OPN5: variants seen among roughly 807,000 people sequenced by gnomAD.
OPN5 encodes opsin-5.
Under a neutral mutation model 41.7 loss-of-function variants are expected in OPN5, and 18 were observed. The ratio of observed to expected loss-of-function variants is 0.43; its 90% CI spans 0.30 to 0.64. The LOEUF (loss-of-function observed/expected upper bound fraction) is 0.64. Ranked by LOEUF, OPN5 falls within the 30% of genes least tolerant of loss-of-function variation. OPN5 has a pLI of 0.13. For missense variants in OPN5, 318 were observed against 434.5 expected (o/e 0.73, Z 2.38); for synonymous variants, 178 against 164.3 (o/e 1.08, Z -0.64).
intron 4 of OPN5, among the ~76,000 whole-genome samples, chr6:47,804,878 G>C (rs1018147615): frequency 6.6e-6 from 1 of 152,130 alleles, no homozygotes; most frequent in Non-Finnish European, 1.5e-5. Context: ...AGTCTTTCCT[G>C]TTCCCCAATT....
At chr6:47,816,854 A>T (rs1330244822) in intron 6 of OPN5, among the ~76,000 whole-genome samples, 1 of 152,108 alleles carries the variant, frequency 6.6e-6, no homozygotes, top group East Asian at 1.9e-4. Context: ...TTAAAAGGAA[A>T]CTATTGTTAT....
chr6:47,812,858 T>C (rs1762295391), intron 6 of OPN5, among the ~76,000 whole-genome samples: 1 of 152,104 alleles, frequency 6.6e-6, no homozygotes, highest in Non-Finnish European at 1.5e-5. Flanking sequence ...GTGGCCCCTC[T>C]CACACCATTG....
At chr6:47,786,900 C>T (rs977943510) in intron 2 of OPN5, among the ~76,000 whole-genome samples, 1 of 152,156 alleles carries the variant, frequency 6.6e-6, no homozygotes, top group African/African-American at 2.4e-5. Context: ...TATGTGATAC[C>T]TCAGATGTCT....
At chr6:47,783,382 C>T (rs1295589289) in intron 1 of OPN5, among the ~76,000 whole-genome samples, 2 of 152,058 alleles carry the variant, frequency 1.3e-5, no homozygotes, top group African/African-American at 4.8e-5. Flanking sequence ...CTCTTCCACC[C>T]TTCTTCCCTT....
intron 2 of OPN5, among the ~76,000 whole-genome samples, chr6:47,787,981 C>A (rs537784692): frequency 1.4e-3 from 217 of 152,296 alleles, no homozygotes; most frequent in Non-Finnish European, 2.7e-3. Context: ...CAATAATAAT[C>A]CTCCGCATTC....
chr6:47,789,532 GA>G (rs913198693), intron 2 of OPN5, among the ~76,000 whole-genome samples: 2 of 151,498 alleles, frequency 1.3e-5, no homozygotes, highest in Non-Finnish European at 1.5e-5. Flanking sequence ...TTGTTGAATG[GA>G]AAAAAACCCC....
At chr6:47,813,733 TA>T (rs1476886622) in intron 6 of OPN5, among the ~76,000 whole-genome samples, 1 of 152,054 alleles carries the variant, frequency 6.6e-6, no homozygotes, top group African/African-American at 2.4e-5. Flanking sequence ...GGACCTGAAT[TA>T]AAAAATGGCA....
intron 2 of OPN5, among the ~76,000 whole-genome samples, chr6:47,790,554 T>C (rs1045479558): frequency 1.3e-5 from 2 of 152,216 alleles, no homozygotes; most frequent in African/African-American, 4.8e-5. Flanking sequence ...CTCAACTTTC[T>C]GGGGTTTCTT....
exon 4 of OPN5, chr6:47,795,337 A>C: frequency 6.2e-7 from 1 of 1,614,086 alleles, no homozygotes; most frequent in Non-Finnish European, 8.5e-7. Context: ...TACGTACCTG[A>C]GCCCTTCGGA....
intron 1 of OPN5, among the ~76,000 whole-genome samples, chr6:47,783,067 A>C (rs141979498): frequency 0.015 from 2,306 of 152,134 alleles, 55 homozygotes; most frequent in Non-Finnish European, 0.023. Flanking sequence ...TTAAATTTTT[A>C]CTTTGTAAAT....
chr6:47,797,614 C>T (rs1229104203), intron 4 of OPN5, among the ~76,000 whole-genome samples: 7 of 152,188 alleles, frequency 4.6e-5, no homozygotes, highest in East Asian at 1.9e-4. Context: ...AAATGATGTG[C>T]AGACATTCAT....
intron 5 of OPN5, among the ~76,000 whole-genome samples, chr6:47,809,123 G>A (rs761261983): frequency 1.3e-5 from 2 of 152,152 alleles, no homozygotes; most frequent in Non-Finnish European, 2.9e-5. Context: ...CTCAGGGTGA[G>A]TAAAGACTTG....
exon 6 of OPN5, chr6:47,811,684 G>A (rs373745956): frequency 5.0e-5 from 81 of 1,611,546 alleles, no homozygotes; most frequent in Non-Finnish European, 6.4e-5. Context: ...GCTGCACACC[G>A]TAACCACAGT....
chr6:47,790,797 T>C (rs1377910538), intron 2 of OPN5, among the ~76,000 whole-genome samples: 1 of 152,146 alleles, frequency 6.6e-6, no homozygotes, highest in East Asian at 1.9e-4. Context: ...GTTCACTGCT[T>C]CTCTAATTAA....
intron 5 of OPN5, among the ~76,000 whole-genome samples, chr6:47,810,772 A>C (rs1467806622): frequency 5.9e-5 from 9 of 152,206 alleles, no homozygotes. Context: ...AAATGTGGCC[A>C]AGAGCTCTTT....
At chr6:47,798,124 A>T (rs9473182) in intron 4 of OPN5, among the ~76,000 whole-genome samples, 22,369 of 152,062 alleles carry the variant, frequency 0.15, 1,769 homozygotes, top group Middle Eastern at 0.17. Context: ...TAATTTATAT[A>T]CTAAATGATA....
chr6:47,797,547 C>T (rs1165178133), intron 4 of OPN5, among the ~76,000 whole-genome samples: 1 of 152,122 alleles, frequency 6.6e-6, no homozygotes, highest in Non-Finnish European at 1.5e-5. Flanking sequence ...AGAAACTGGG[C>T]AAATGTACCA....
At chr6:47,785,853 G>A (rs1383295363) in intron 1 of OPN5, among the ~76,000 whole-genome samples, 1 of 152,214 alleles carries the variant, frequency 6.6e-6, no homozygotes, top group Non-Finnish European at 1.5e-5. Flanking sequence ...CTTGGTGGGA[G>A]GGACAGTGCC....
At chr6:47,806,166 GAACA>G (rs948039172) in intron 4 of OPN5, among the ~76,000 whole-genome samples, 6 of 151,764 alleles carry the variant, frequency 4.0e-5, no homozygotes, top group Non-Finnish European at 7.4e-5. Flanking sequence ...GTGAACAAAC[GAACA>G]AACAAACAAC....
Sources: gnomAD v4.1 joint callset for allele counts (sites outside exome capture counted in the v4.1 genomes callset) on GRCh38, gnomAD v4.1.1 for gene constraint, MANE v1.5 for transcripts, NCBI Gene and HGNC (gene_info 2026-07-23, HGNC 2026-07-21) for gene names.